DLGAP2: variants seen among roughly 807,000 people sequenced by gnomAD.
The protein encoded by DLGAP2 is DLG associated protein 2.
Under a neutral mutation model 100.3 loss-of-function variants are expected in DLGAP2, and 26 were observed. That is an observed-to-expected ratio of 0.26 (90% CI 0.19 to 0.36). The LOEUF (loss-of-function observed/expected upper bound fraction) is 0.36, where lower values mean the gene tolerates loss of function less well. Among genes scored for constraint, DLGAP2 ranks in the 10% least tolerant of loss-of-function variants. The probability of loss-of-function intolerance (pLI) is 1.00; values close to 1 mark genes in which losing one functional copy is unlikely to be tolerated. For missense variants in DLGAP2, 1,858 were observed against 1,453.2 expected (o/e 1.28, Z -4.53); for synonymous variants, 886 against 630.1 (o/e 1.41, Z -6.08).
At chr8:1,586,629 G>A (rs140633815) in intron 6 of DLGAP2, among the ~76,000 whole-genome samples, 12 of 152,310 alleles carry the variant, frequency 7.9e-5, no homozygotes, top group African/African-American at 2.6e-4. Flanking sequence ...TGGCACCAGC[G>A]TGGAAGGCCC....
chr8:1,152,802 A>G (rs1292312276), intron 2 of DLGAP2, among the ~76,000 whole-genome samples: 1 of 152,110 alleles, frequency 6.6e-6, no homozygotes, highest in African/African-American at 2.4e-5. Flanking sequence ...CCTACATCAC[A>G]TTTTGCCTCT....
chr8:1,170,304 T>G (rs997226701), intron 2 of DLGAP2, among the ~76,000 whole-genome samples: 1,790 of 152,106 alleles, frequency 0.012, 35 homozygotes, highest in African/African-American at 0.042. Flanking sequence ...ATTGAGGATT[T>G]TTGCATCAAT....
At chr8:1,142,887 C>CT (rs1477219680) in intron 2 of DLGAP2, among the ~76,000 whole-genome samples, 15 of 152,108 alleles carry the variant, frequency 9.9e-5, no homozygotes, top group African/African-American at 3.6e-4. Context: ...AGGGCACACC[C>CT]AGGTTTCCGA....
rs144790784 is a variant in DLGAP2, at chr8:940,381, A to G, written c.73+32415A>G. Among the ~76,000 whole-genome samples the G allele has an allele frequency of 8.0e-3, 1,211 of 151,654 alleles. 23 individuals are homozygous for G. The highest frequency in any genetic ancestry group is 0.028 in the African/African-American group (1,164 of 41,262). ...GAGAGAGAGAGAGAGAGGGAGAGGG[A>G]GAGAGAGAGGGAAAAGGGTGCTGAA... On this transcript the variant is annotated intron_variant, in intron 2 of 14. Coordinates refer to ENST00000637795, the MANE Select transcript of DLGAP2 (RefSeq NM_001346810.2).
At chr8:898,983 G>A (rs1303711619) in intron 1 of DLGAP2, among the ~76,000 whole-genome samples, 3 of 152,220 alleles carry the variant, frequency 2.0e-5, no homozygotes, top group Non-Finnish European at 4.4e-5. Context: ...ACTCCTGCGT[G>A]GGTCCAGCAG....
intron 2 of DLGAP2, among the ~76,000 whole-genome samples, chr8:1,251,991 G>A (rs755786746): frequency 9.2e-5 from 14 of 152,126 alleles, no homozygotes; most frequent in Non-Finnish European, 2.1e-4. Flanking sequence ...TCACACTGTG[G>A]TGTTGTCACG....
intron 2 of DLGAP2, among the ~76,000 whole-genome samples, chr8:1,076,807 G>T (rs946345844): frequency 4.2e-4 from 63 of 149,468 alleles, no homozygotes; most frequent in African/African-American, 1.5e-3. Context: ...GGTGGAGGAG[G>T]AGTCTGTCCC....
At chr8:766,273 G>A (rs1037223697) in intron 1 of DLGAP2, among the ~76,000 whole-genome samples, 2 of 152,224 alleles carry the variant, frequency 1.3e-5, no homozygotes, top group African/African-American at 4.8e-5. Flanking sequence ...TAGGTGTGGG[G>A]TACATAACAT....
At chr8:850,903 C>A (rs1163683934) in intron 1 of DLGAP2, among the ~76,000 whole-genome samples, 1 of 151,932 alleles carries the variant, frequency 6.6e-6, no homozygotes, top group Non-Finnish European at 1.5e-5. Context: ...AAAATATTGT[C>A]TTTCACTCTC....
chr8:1,215,269 A>G (rs1798190844), intron 2 of DLGAP2, among the ~76,000 whole-genome samples: 1 of 152,266 alleles, frequency 6.6e-6, no homozygotes, highest in Non-Finnish European at 1.5e-5. Context: ...AATTAAAATA[A>G]TGTGTTACTA....
chr8:957,036 C>CTT (rs1799612592), intron 2 of DLGAP2, among the ~76,000 whole-genome samples: 1 of 152,200 alleles, frequency 6.6e-6, no homozygotes, highest in African/African-American at 2.4e-5. Flanking sequence ...GTTGTCCTGG[C>CTT]TTATAATTTC....
chr8:1,025,626 C>T (rs536195059), intron 2 of DLGAP2, among the ~76,000 whole-genome samples: 1 of 152,268 alleles, frequency 6.6e-6, no homozygotes, highest in East Asian at 1.9e-4. Flanking sequence ...GAGAACCTTC[C>T]ACATTTGGTC....
chr8:1,534,877 T>C (rs946141360), intron 4 of DLGAP2, among the ~76,000 whole-genome samples: 1 of 152,278 alleles, frequency 6.6e-6, no homozygotes, highest in Admixed American at 6.5e-5. Flanking sequence ...CGACCCACTC[T>C]GGAACACATT....
At chr8:1,426,257 T>A (rs1797234175) in intron 3 of DLGAP2, among the ~76,000 whole-genome samples, 1 of 152,164 alleles carries the variant, frequency 6.6e-6, no homozygotes, top group Non-Finnish European at 1.5e-5. Flanking sequence ...TAAGAACAGA[T>A]GTCTATGAAA....
chr8:1,222,386 A>T (rs1303150221), intron 2 of DLGAP2, among the ~76,000 whole-genome samples: 2 of 152,084 alleles, frequency 1.3e-5, no homozygotes, highest in Non-Finnish European at 2.9e-5. Context: ...GCATGCTCTA[A>T]CCCTGGGGGG....
chr8:1,169,185 T>C (rs1327351755), intron 2 of DLGAP2, among the ~76,000 whole-genome samples: 1 of 152,026 alleles, frequency 6.6e-6, no homozygotes, highest in African/African-American at 2.4e-5. Context: ...AAAGATCAGA[T>C]GGTTGTAGAT....
At chr8:1,276,177 A>G (rs1050636807) in intron 3 of DLGAP2, among the ~76,000 whole-genome samples, 6 of 149,738 alleles carry the variant, frequency 4.0e-5, no homozygotes, top group African/African-American at 1.5e-4. Flanking sequence ...GGCATTGCTC[A>G]AGGAGTTGCT....
In DLGAP2 at chr8:1,549,188, G is replaced by T. The variant is rs779557821; in HGVS notation, c.735G>T (p.Ser245=). 5.0e-6 allele frequency: 8 copies of T among 1,599,200 alleles called. No individual in the cohort carries two copies. The highest frequency in any genetic ancestry group is 2.3e-5 in the East Asian group (1 of 44,034). ...SVQKLFTKSH[S]LEGSSKSNAN... ...AGAAGCTCTTCACCAAGTCGCACTCGCTGGAGGGCTCCTCCAAAAGCAACG... is the reference window on the plus strand; with the variant it reads ...AGAAGCTCTTCACCAAGTCGCACTCTCTGGAGGGCTCCTCCAAAAGCAACG... Residue 245 remains serine (S), a synonymous_variant, in exon 5 of 15, where the codon TCG becomes TCT. Transcript: ENST00000637795.
At chr8:1,381,962 T>G (rs1796107451) in intron 3 of DLGAP2, among the ~76,000 whole-genome samples, 1 of 152,140 alleles carries the variant, frequency 6.6e-6, no homozygotes, top group Non-Finnish European at 1.5e-5. Flanking sequence ...ACAGTGTTTT[T>G]TAGATTACAT....
Sources: allele counts gnomAD v4.1 joint callset (sites outside exome capture counted in the v4.1 genomes callset), GRCh38; gene constraint gnomAD v4.1.1; transcripts MANE v1.5; gene names NCBI Gene and HGNC (gene_info 2026-07-23, HGNC 2026-07-21).